VPS13C: variants seen among roughly 807,000 people sequenced by gnomAD.
VPS13C encodes intermembrane lipid transfer protein VPS13C.
A neutral mutation model predicts 456.8 loss-of-function variants in VPS13C; 358 were observed. The observed-to-expected ratio is 0.78, with a 90% CI of 0.72 to 0.86. VPS13C has a LOEUF of 0.86. Ranked by LOEUF, VPS13C falls within the 40% of genes least tolerant of loss-of-function variation. The pLI, the probability that VPS13C is intolerant of heterozygous loss-of-function variation, is 0.00. For synonymous variants in VPS13C, 1,578 were observed against 1,486.7 expected, an observed-to-expected ratio of 1.06 and a Z score of -1.41; for missense variants, 4,818 against 4,385.4, an observed-to-expected ratio of 1.10 and a Z score of -2.79.
At chr15:61,958,260 A>T (rs1360813563) in intron 37 of VPS13C, among the ~76,000 whole-genome samples, 1 of 152,078 alleles carries the variant, frequency 6.6e-6, no homozygotes, top group African/African-American at 2.4e-5. Context: ...TTGAAAAATC[A>T]GATACACTAT....
At chr15:61,865,369 A>G (rs1299215052) in intron 81 of VPS13C, 2 of 980,844 alleles carry the variant, frequency 2.0e-6, no homozygotes, top group South Asian at 4.7e-5. Flanking sequence ...TGTCACCTCA[A>G]TAGATGGCAA....
chr15:61,915,098 G>A (rs56253198), intron 61 of VPS13C, among the ~76,000 whole-genome samples: 1 of 152,018 alleles, frequency 6.6e-6, no homozygotes, highest in South Asian at 2.1e-4. Flanking sequence ...AACAGGGGAA[G>A]AGGCACTGTA....
chr15:61,864,584 A>C lies in VPS13C; in HGVS notation c.10864-1056T>G, dbSNP rs1242959287. 4.1e-6 allele frequency: 4 copies of C among 970,010 alleles called. No individual in the cohort carries two copies. In the South Asian group the frequency reaches 1.9e-4, roughly 46 times the overall value. 60.1% of individuals were successfully genotyped at this position (970,010 alleles called of 1,614,324 possible). A position where few individuals can be genotyped will look rare whatever the true frequency, so the allele number is the denominator to read the frequency against. On this transcript the variant is annotated intron_variant, in intron 81 of 84. Transcript: ENST00000644861. ...AATCAATATAACCACAAGCAGAGAA[A>C]TCACATTTGATATTATTTCAATGCT... is the stretch of plus-strand genomic sequence containing the variant.
At chr15:61,994,882 C>T (rs957424905) in intron 16 of VPS13C, among the ~76,000 whole-genome samples, 3 of 152,134 alleles carry the variant, frequency 2.0e-5, no homozygotes, top group Non-Finnish European at 1.5e-5. Context: ...GCCATCACAT[C>T]GGCCTCTATT....
chr15:62,015,179 T>A (rs1268281517), intron 9 of VPS13C, among the ~76,000 whole-genome samples: 1 of 152,196 alleles, frequency 6.6e-6, no homozygotes, highest in Non-Finnish European at 1.5e-5. Context: ...TCTCTCTCTA[T>A]CCTTTAGAAC....
At chr15:61,893,376 T>G (rs1200887491) in intron 66 of VPS13C, among the ~76,000 whole-genome samples, 2 of 152,156 alleles carry the variant, frequency 1.3e-5, no homozygotes, top group Non-Finnish European at 2.9e-5. Flanking sequence ...AAGAATATTG[T>G]ATCCAACAAA....
chr15:61,976,406 T>C (rs2045704518), intron 24 of VPS13C, among the ~76,000 whole-genome samples: 1 of 152,086 alleles, frequency 6.6e-6, no homozygotes. Context: ...TCTAACATTC[T>C]ATTTATATAA....
rs139451963 is a variant in VPS13C at position 62,057,105 on chromosome 15, G to A, written c.100+3170C>T. Among the ~76,000 whole-genome samples the A allele has an allele frequency of 9.0e-3, 1,362 of 151,952 alleles. 12 individuals carry two copies. The highest frequency in any genetic ancestry group is 0.028 in the African/African-American group (1,169 of 41,428). ...TTTATTTCTACACTCTCTCGTCGCCGCACACAGGGAGAGACCCACCGACCC... is the reference window on the plus strand; with the variant it reads ...TTTATTTCTACACTCTCTCGTCGCCACACACAGGGAGAGACCCACCGACCC... On this transcript the variant is annotated intron_variant, in intron 1 of 84. Transcript: ENST00000644861.
chr15:62,010,203 C>T (rs1375389946), intron 13 of VPS13C, among the ~76,000 whole-genome samples: 1 of 151,674 alleles, frequency 6.6e-6, no homozygotes, highest in Admixed American at 6.6e-5. Flanking sequence ...AAAAAAAAAT[C>T]TTCCATCAAC....
chr15:61,963,441 A>T (rs985781815), intron 32 of VPS13C, among the ~76,000 whole-genome samples: 1 of 152,070 alleles, frequency 6.6e-6, no homozygotes, highest in Non-Finnish European at 1.5e-5. Context: ...AATAAAGACA[A>T]ATACATAATT....
At chr15:61,888,394 G>A (rs571810029) in intron 67 of VPS13C, among the ~76,000 whole-genome samples, 4 of 152,012 alleles carry the variant, frequency 2.6e-5, no homozygotes, top group Non-Finnish European at 5.9e-5. Context: ...ACTTGCACAC[G>A]AATGTTTATA....
At chr15:61,990,067 G>A (rs1003553252) in intron 18 of VPS13C, among the ~76,000 whole-genome samples, 4 of 152,190 alleles carry the variant, frequency 2.6e-5, no homozygotes, top group South Asian at 2.1e-4. Flanking sequence ...ATGAAAGTTA[G>A]TAAAATACAT....
At position 61,874,916 on chromosome 15, in the gene VPS13C, C is replaced by A; in HGVS notation, c.10374G>T (p.Gly3458=). ...AVQGPEEFAE[G]LVIGVRSLFG... ...AGAGGCTTCTCACTCCAATCACTAA[C>A]CCCTCTGCAAATTCTTCAGGGCCTT... Residue 3458 remains glycine (G), a synonymous_variant, in exon 77 of 85, where the codon GGG becomes GGT. Coordinates refer to ENST00000644861, the MANE Select transcript of VPS13C (RefSeq NM_020821.3). 4.4e-6 allele frequency: 7 copies of A among 1,591,606 alleles called. No individual in the cohort carries two copies. The highest frequency in any genetic ancestry group is 6.0e-6 in the Non-Finnish European group (7 of 1,170,526).
rs749789902 is a variant in VPS13C, at chr15:61,852,649, C to A, written c.*1808G>T. 4 of 152,038 alleles carry A rather than the reference C, an allele frequency of 2.6e-5. No homozygotes were observed. The highest frequency in any genetic ancestry group is 4.4e-5 in the Non-Finnish European group (3 of 67,992). The allele number at this position is 152,038 out of a possible 1,614,324, so 9.4% of individuals were successfully genotyped here. A position where few individuals can be genotyped will look rare whatever the true frequency, so the allele number is the denominator to read the frequency against. ...AATTCCTAATTCTGTTTTAAAAACA[C>A]AAAACACTAGAACAGTTGCTATGAA... On this transcript the variant is annotated 3_prime_UTR_variant, in exon 85 of 85. Transcript: ENST00000644861.
At chr15:62,028,986 T>A (rs2047727007) in intron 5 of VPS13C, among the ~76,000 whole-genome samples, 2 of 152,010 alleles carry the variant, frequency 1.3e-5, no homozygotes, top group South Asian at 4.1e-4. Flanking sequence ...CCTTAAATCA[T>A]AACTCTGATC....
rs377002157 is a variant in VPS13C at position 62,008,029 on chromosome 15, A to T, written c.1119-550T>A. 3.3e-5 allele frequency among the ~76,000 whole-genome samples: 5 copies of T among 152,062 alleles called. No homozygotes were observed. The South Asian group carries it at 1.0e-3, about 32-fold the overall frequency. On this transcript the variant is annotated intron_variant, in intron 14 of 84. Coordinates refer to ENST00000644861, the MANE Select transcript of VPS13C (RefSeq NM_020821.3). ...GCCGAGGAGAGTAGATCACAAGGTC[A>T]GGAGTTCAAGATGTCGAGATGCTGA... is the stretch of plus-strand genomic sequence containing the variant.
rs1388338443 is a variant in VPS13C at position 61,961,589 on chromosome 15, C to T, written c.3908G>A (p.Arg1303Lys). 14 of 1,577,984 alleles carry T rather than the reference C, an allele frequency of 8.9e-6. No individual in the cohort carries two copies. The highest frequency in any genetic ancestry group is 1.1e-5 in the Non-Finnish European group (13 of 1,163,294). The change falls in exon 35 of 85, where the codon AGG becomes AAG. Residue 1303 changes from arginine to lysine, a missense_variant and splice_region_variant. Coordinates refer to ENST00000644861, the MANE Select transcript of VPS13C (RefSeq NM_020821.3). Reference protein sequence around the residue: ...DVQLTKLTLYRTVIQPGIYHP... With the variant: ...DVQLTKLTLYKTVIQPGIYHP... The stretch of plus-strand genomic sequence containing the variant: ...ATCCATAATTATTGAAAGAGCATAC[C>T]TATAAAGTGTAAGCTTTGTTAGCTG...
chr15:61,980,330 G>A (rs1010367954), intron 22 of VPS13C, among the ~76,000 whole-genome samples: 2 of 151,608 alleles, frequency 1.3e-5, no homozygotes, highest in Admixed American at 6.6e-5. Flanking sequence ...GACTAGTCAA[G>A]AGCAAAGGTC....
Position 62,052,965 on chromosome 15 carries a change from G to A in VPS13C, c.100+7310C>T, listed in dbSNP as rs184067896. On this transcript the variant is annotated intron_variant, in intron 1 of 84. Transcript: ENST00000644861. ...GGATCCCATAATATTGAGTAATGTG[G>A]TAGAGCTTCCTAGCAGAATGGTTAC... 5.2e-4 allele frequency among the ~76,000 whole-genome samples: 79 copies of A among 152,244 alleles called. 1 individual carries two copies. Among genetic ancestry groups the A allele is most frequent in the African/African-American group, 1.8e-3 (74 of 41,540 alleles).
Sources: gnomAD v4.1 joint callset for allele counts (sites outside exome capture counted in the v4.1 genomes callset) on GRCh38, gnomAD v4.1.1 for gene constraint, MANE v1.5 for transcripts, NCBI Gene and HGNC (gene_info 2026-07-23, HGNC 2026-07-21) for gene names.